PTPRA: variants seen among roughly 807,000 people sequenced by gnomAD.
The protein encoded by PTPRA is protein tyrosine phosphatase receptor type A.
Under a neutral mutation model 104.8 loss-of-function variants are expected in PTPRA, and 25 were observed. That is an observed-to-expected ratio of 0.24 (90% CI 0.17 to 0.33). The LOEUF is 0.33. Ranked by LOEUF, PTPRA falls within the 10% of genes least tolerant of loss-of-function variation. The pLI is 1.00. For missense variants in PTPRA, 765 were observed against 1,015.3 expected (o/e 0.75, Z 3.35); for synonymous variants, 323 against 368.9 (o/e 0.88, Z 1.43).
chr20:3,017,855 T>A lies in PTPRA; in HGVS notation c.983T>A (p.Ile328Asn). The change falls in exon 13 of 24, where the codon ATC becomes AAC. Residue 328 changes from isoleucine to asparagine, a missense_variant. Transcript: ENST00000399903. ...EETVNDFWRM[I>N]WEQNTATIVM... ...ACGGTGAATGATTTCTGGCGGATGA[T>A]CTGGGAACAAAACACAGCCACCATC... The A allele has an allele frequency of 6.2e-7, 1 of 1,614,180 alleles. No homozygotes were observed. The highest frequency in any genetic ancestry group is 8.5e-7 in the Non-Finnish European group (1 of 1,180,020).
intron 6 of PTPRA, among the ~76,000 whole-genome samples, chr20:2,984,139 C>T (rs1296954476): frequency 1.3e-5 from 2 of 152,056 alleles, no homozygotes; most frequent in African/African-American, 2.4e-5. Flanking sequence ...GAGCCACATA[C>T]CACAGTATGT....
At chr20:2,954,909 G>T (rs557930437) in intron 3 of PTPRA, among the ~76,000 whole-genome samples, 3 of 152,162 alleles carry the variant, frequency 2.0e-5, no homozygotes, top group South Asian at 2.1e-4. Flanking sequence ...ATTGTTTCAC[G>T]TGTAGATATA....
chr20:3,022,815 G>A lies in PTPRA; in HGVS notation c.1455G>A (p.Val485=). 2 of 1,614,196 alleles carry A rather than the reference G, an allele frequency of 1.2e-6. No homozygotes were observed. Among genetic ancestry groups the A allele is most frequent in the Non-Finnish European group, 1.7e-6 (2 of 1,180,010 alleles). Residue 485 remains valine (V), a synonymous_variant, in exon 16 of 24, where the codon GTG becomes GTA. Coordinates refer to ENST00000399903, the MANE Select transcript of PTPRA (RefSeq NM_001385305.1). This position sits in a 1 kb window ranked among gnomAD's most constrained non-coding sequence, Gnocchi z 4.6. ...TCCGGGCACAGCGCTGCCAGATGGT[G>A]CAAACCGATGTGAGTGATCTGTGGG... ...SRIRAQRCQM[V]QTDMQYVFIY... is the part of the protein sequence containing the mutation.
chr20:3,034,604 C>T (rs2065708505), intron 20 of PTPRA, among the ~76,000 whole-genome samples: 1 of 151,322 alleles, frequency 6.6e-6, no homozygotes, highest in Non-Finnish European at 1.5e-5. Context: ...GGGCACCGAT[C>T]CCTGAGGCAT....
In PTPRA at chr20:2,952,565, A is replaced by G. The variant is rs553268948; in HGVS notation, c.-7+4541A>G. Among the ~76,000 whole-genome samples, 8 of 152,312 alleles carry G rather than the reference A, an allele frequency of 5.3e-5. No individual in the cohort carries two copies. In the South Asian group the frequency reaches 1.5e-3, roughly 28 times the overall value. ...AAAAAATTGTAGTTAAAATATACAC[A>G]TAATACAAAATTTAACATTTTAACT... On this transcript the variant is annotated intron_variant, in intron 3 of 23. Transcript: ENST00000399903.
rs997764274 is a variant in PTPRA, at chr20:2,928,958, T to C, written c.-50+5673T>C. Among the ~76,000 whole-genome samples, 4 of 151,970 alleles carry C rather than the reference T, an allele frequency of 2.6e-5. No individual in the cohort carries two copies. In the East Asian group the frequency reaches 7.7e-4, roughly 29 times the overall value. On this transcript the variant is annotated intron_variant, in intron 2 of 23. Coordinates refer to ENST00000399903, the MANE Select transcript of PTPRA (RefSeq NM_001385305.1). ...AATCCTCCCACCTCAGCTTTCCAAG[T>C]AGCTGGAACTATAGGCATGCGCTAC...
chr20:2,884,515 CATG>C (rs1374117125), intron 1 of PTPRA, among the ~76,000 whole-genome samples: 1 of 152,102 alleles, frequency 6.6e-6, no homozygotes, highest in Admixed American at 6.6e-5. Context: ...TTTGCATTTC[CATG>C]ATGATTTATG....
rs766699291 is a variant in PTPRA at position 3,037,081 on chromosome 20, A to G, written c.2199-73A>G. 153 of 1,568,046 alleles carry G rather than the reference A, an allele frequency of 9.8e-5. No homozygotes were observed. The highest frequency in any genetic ancestry group is 1.2e-4 in the Non-Finnish European group (142 of 1,154,384). ...GCTGCCTGCCCCCACCTCTTCTGCCACTCACCACTGTCACTCACCCCCTTG... is the reference window on the plus strand; with the variant it reads ...GCTGCCTGCCCCCACCTCTTCTGCCGCTCACCACTGTCACTCACCCCCTTG... On this transcript the variant is annotated intron_variant, in intron 22 of 23. Transcript: ENST00000399903. This position sits in a 1 kb window ranked among gnomAD's most constrained non-coding sequence, Gnocchi z 4.3.
chr20:2,951,088 G>C (rs908018844), intron 3 of PTPRA, among the ~76,000 whole-genome samples: 12 of 151,636 alleles, frequency 7.9e-5, no homozygotes, highest in Admixed American at 2.6e-4. Context: ...TTGTTTGTTT[G>C]TTTGTTTCTT....
intron 1 of PTPRA, among the ~76,000 whole-genome samples, chr20:2,916,959 CTT>C (rs35317223): frequency 8.4e-5 from 11 of 131,506 alleles, no homozygotes; most frequent in Admixed American, 7.9e-5. Context: ...TTTTTTATTT[CTT>C]TTTTTTTTTT....
At chr20:2,882,868 G>A (rs1443845324) in intron 1 of PTPRA, among the ~76,000 whole-genome samples, 1 of 151,698 alleles carries the variant, frequency 6.6e-6, no homozygotes, top group East Asian at 1.9e-4. Context: ...AGTTGTTGAT[G>A]AGTTTTGCAT....
intron 6 of PTPRA, among the ~76,000 whole-genome samples, chr20:2,979,821 G>GTA (rs2062596869): frequency 1.3e-5 from 2 of 152,228 alleles, no homozygotes; most frequent in Non-Finnish European, 2.9e-5. Context: ...TGGGCTTACA[G>GTA]GCATGAGCCA....
chr20:2,955,003 G>A (rs1489461312), intron 3 of PTPRA, among the ~76,000 whole-genome samples: 1 of 152,144 alleles, frequency 6.6e-6, no homozygotes. Flanking sequence ...ATGTGAGTCT[G>A]TTACTGGTTC....
rs541357741 is a variant in PTPRA, at chr20:3,004,850, C to A, written c.739-206C>A. 8.5e-5 allele frequency among the ~76,000 whole-genome samples: 13 copies of A among 152,304 alleles called. No individual in the cohort carries two copies. The East Asian group carries it at 2.5e-3, about 29-fold the overall frequency. ...AAGGGCATTCTGCCCCCTGAGGATT[C>A]TTGTGTTGTTGAACTCTAAGGAGCT... On this transcript the variant is annotated intron_variant, in intron 9 of 23. Transcript: ENST00000399903.
Position 2,993,044 on chromosome 20 carries a change from A to G in PTPRA, c.738+4570A>G, listed in dbSNP as rs143176643. ...GGCTGCAGTGAGCTGTGATTGCACC[A>G]CTGCACTGCAGCCTGTGTGACAGAG... On this transcript the variant is annotated intron_variant, in intron 9 of 23. Coordinates refer to ENST00000399903, the MANE Select transcript of PTPRA (RefSeq NM_001385305.1). Among the ~76,000 whole-genome samples, 660 of 152,330 alleles carry G rather than the reference A, an allele frequency of 4.3e-3. 2 individuals carry two copies. The highest frequency in any genetic ancestry group is 7.1e-3 in the Non-Finnish European group (482 of 68,024).
chr20:3,032,755 A>G (rs981730816), intron 20 of PTPRA, among the ~76,000 whole-genome samples: 1 of 130,520 alleles, frequency 7.7e-6, no homozygotes, highest in Non-Finnish European at 1.6e-5. Flanking sequence ...GCAGAGTGAG[A>G]CTCCATCTCA....
chr20:3,018,681 C>A (rs879575852), intron 13 of PTPRA, among the ~76,000 whole-genome samples: 1 of 151,352 alleles, frequency 6.6e-6, no homozygotes, highest in African/African-American at 2.4e-5. Context: ...ACCTTTCCCC[C>A]CTTTCTATTC....
chr20:2,930,833 G>A (rs1339704974), intron 2 of PTPRA, among the ~76,000 whole-genome samples: 1 of 152,136 alleles, frequency 6.6e-6, no homozygotes, highest in Admixed American at 6.5e-5. Context: ...TGGGGATTAG[G>A]ACTTCATATC....
chr20:2,927,465 A>G (rs758605371), intron 2 of PTPRA, among the ~76,000 whole-genome samples: 2 of 152,044 alleles, frequency 1.3e-5, no homozygotes, highest in African/African-American at 2.4e-5. Context: ...TTTGCCTGTT[A>G]TTATAGTTTC....
Sources: gnomAD v4.1 joint callset for allele counts (sites outside exome capture counted in the v4.1 genomes callset) on GRCh38, gnomAD v4.1.1 for gene constraint, Gnocchi (gnomAD v3.1) non-coding constraint, MANE v1.5 for transcripts, NCBI Gene and HGNC (gene_info 2026-07-23, HGNC 2026-07-21) for gene names.